Variants in MYH15 observed in about 807,000 individuals in gnomAD.
The protein encoded by MYH15 is myosin-15.
In MYH15, 227 loss-of-function variants were observed where a neutral mutation model predicts 240.5. That is an observed-to-expected ratio of 0.94 (90% CI 0.85 to 1.05). The LOEUF is 1.05. MYH15 is among the 50% of genes least tolerant of loss of function. The pLI, the probability that MYH15 is intolerant of heterozygous loss-of-function variation, is 0.00. For missense variants in MYH15, 2,217 were observed against 2,247.5 expected, an observed-to-expected ratio of 0.99 and a Z score of 0.27; for synonymous variants, 785 against 796.7, an observed-to-expected ratio of 0.99 and a Z score of 0.25.
At position 108,460,335 on chromosome 3, in the gene MYH15, C is replaced by G. The variant is rs757055798; in HGVS notation, c.1897G>C (p.Gly633Arg). 6.2e-7 allele frequency: 1 copy of G among 1,602,270 alleles called. No individual in the cohort carries two copies. ...IPFGEKKRKK[G>R]ASFQTVASLH... ...GATGCAACCGTTTGGAATGAAGCTCCTTTCTTTCGTTTCTTCTCCCCAAAT... is the reference window on the plus strand; with the variant it reads ...GATGCAACCGTTTGGAATGAAGCTCGTTTCTTTCGTTTCTTCTCCCCAAAT... The change falls in exon 17 of 41, where the codon GGA (glycine) becomes CGA (arginine). Residue 633 changes from glycine (G) to arginine (R), a missense_variant. Transcript: ENST00000693548.
chr3:108,417,827 A>G (rs1560340026), intron 28 of MYH15, among the ~76,000 whole-genome samples: 1 of 151,094 alleles, frequency 6.6e-6, no homozygotes, highest in Non-Finnish European at 1.5e-5. Flanking sequence ...ACACACACAC[A>G]TATACACACT....
Position 108,383,751 on chromosome 3 carries a change from A to AG in MYH15, c.5632-23_5632-22insC, listed in dbSNP as rs775248561. The AG allele has an allele frequency of 3.3e-6, 5 of 1,534,668 alleles. No individual in the cohort carries two copies. The South Asian group carries it at 6.3e-5, about 19-fold the overall frequency. On this transcript the variant is annotated intron_variant, in intron 39 of 40. Transcript: ENST00000693548. Reference sequence around the variant, plus strand: ...TTTCCTATAAAAATAAAAAAAAAAAAAAAGAAATCTCCATGCCTATATAGT... The same window carrying AG: ...TTTCCTATAAAAATAAAAAAAAAAAAGAAAGAAATCTCCATGCCTATATAGT...
At position 108,441,179 on chromosome 3, in the gene MYH15, C is replaced by T; in HGVS notation, c.2737G>A (p.Glu913Lys). ...SKIQLEARVK[E>K]LSERVEEEEE... is the part of the protein sequence containing the mutation. ...TCTTCCTCCACCCTCTCCGACAGCT[C>T]CTTTACTCTGGCCTCCAGCTGGATC... Residue 913 changes from glutamate (E) to lysine (K), a missense_variant, in exon 23 of 41, where the codon GAG becomes AAG. Physicochemically the swap from Glu to Lys is moderately conservative, Grantham distance 56. Coordinates refer to ENST00000693548, the MANE Select transcript of MYH15 (RefSeq NM_014981.3). The T allele has an allele frequency of 1.2e-6, 2 of 1,614,112 alleles. No homozygotes were observed. Among genetic ancestry groups the T allele is most frequent in the Non-Finnish European group, 1.7e-6 (2 of 1,179,980 alleles).
At chr3:108,389,805 G>C (rs2082410792) in intron 37 of MYH15, among the ~76,000 whole-genome samples, 1 of 152,132 alleles carries the variant, frequency 6.6e-6, no homozygotes, top group Admixed American at 6.5e-5. Context: ...CTGCCTAGGG[G>C]GCTCTTACCC....
At chr3:108,461,980 C>T (rs1285865923) in intron 16 of MYH15, 1 of 152,138 alleles carries the variant, frequency 6.6e-6, no homozygotes, top group Non-Finnish European at 1.5e-5. Flanking sequence ...TGTACTGTTG[C>T]CATGGGGAAA....
chr3:108,550,401 A>G, the MYH15 span: 7 of 151,698 alleles, frequency 4.6e-5, no homozygotes, highest in African/African-American at 1.7e-4. Context: ...AATTAATTAT[A>G]GATGATCTGG....
intron 1 of MYH15, among the ~76,000 whole-genome samples, chr3:108,520,449 C>A (rs937184475): frequency 3.3e-5 from 5 of 152,132 alleles, no homozygotes; most frequent in Admixed American, 6.6e-5. Flanking sequence ...ACTTTATACA[C>A]TCTTGTCAAG....
Position 108,398,515 on chromosome 3 carries a change from G to A in MYH15, c.5133+122C>T, listed in dbSNP as rs2082479448. On this transcript the variant is annotated intron_variant, in intron 35 of 40. Transcript: ENST00000693548. Reference sequence around the variant, plus strand: ...CAAATGAAGAGTATGAACATGCCTTGCTTCACAGGCACATCCAAGACTTAA... The same window carrying A: ...CAAATGAAGAGTATGAACATGCCTTACTTCACAGGCACATCCAAGACTTAA... 8 of 850,910 alleles carry A rather than the reference G, an allele frequency of 9.4e-6. No homozygotes were observed. In the South Asian group the frequency reaches 1.2e-4, roughly 13 times the overall value. The allele number at this position is 850,910 out of a possible 1,614,324, so 52.7% of individuals were successfully genotyped here.
At chr3:108,451,448 A>T (rs1430940432) in intron 21 of MYH15, among the ~76,000 whole-genome samples, 4 of 152,086 alleles carry the variant, frequency 2.6e-5, no homozygotes, top group East Asian at 1.9e-4. Context: ...GAAATGTAAA[A>T]TTTTTTTAAT....
chr3:108,527,162 T>C (rs2083679149), intron 1 of MYH15, among the ~76,000 whole-genome samples: 1 of 152,170 alleles, frequency 6.6e-6, no homozygotes, highest in East Asian at 1.9e-4. Flanking sequence ...AAGCTCCCTG[T>C]TGATGCTACT....
chr3:108,466,473 C>T (rs2083118833), intron 14 of MYH15, among the ~76,000 whole-genome samples: 1 of 152,082 alleles, frequency 6.6e-6, no homozygotes, highest in African/African-American at 2.4e-5. Context: ...AATTAAGGCC[C>T]AACATTATGT....
intron 1 of MYH15, among the ~76,000 whole-genome samples, chr3:108,517,525 GT>G (rs2083583467): frequency 6.6e-6 from 1 of 151,984 alleles, no homozygotes; most frequent in South Asian, 2.1e-4. Context: ...TAGGAATGGG[GT>G]TTCACCATGT....
At chr3:108,472,481 G>C (rs185584761) in intron 12 of MYH15, among the ~76,000 whole-genome samples, 2 of 152,248 alleles carry the variant, frequency 1.3e-5, no homozygotes, top group Admixed American at 1.3e-4. Context: ...TCCATAAGCC[G>C]GATGGCATCA....
intron 26 of MYH15, among the ~76,000 whole-genome samples, chr3:108,430,094 A>C (rs906596750): frequency 6.6e-6 from 1 of 152,170 alleles, no homozygotes; most frequent in Non-Finnish European, 1.5e-5. Context: ...CCACTTGGAG[A>C]TTAATAGTGT....
intron 21 of MYH15, among the ~76,000 whole-genome samples, chr3:108,446,936 C>A (rs974547729): frequency 6.6e-6 from 1 of 151,796 alleles, no homozygotes. Flanking sequence ...AAACAATGAT[C>A]TTAAAAAAAA....
chr3:108,500,200 G>A lies in MYH15; in HGVS notation c.414C>T (p.Ala138=), dbSNP rs752380695. The change falls in exon 4 of 41, where the codon GCC becomes GCT. Residue 138 remains alanine (A), a synonymous_variant. Coordinates refer to ENST00000693548, the MANE Select transcript of MYH15 (RefSeq NM_014981.3). ...WLPVYQKEVM[A]AYKGKRRSEA... is the part of the protein sequence containing the mutation. ...CTGATCGCCTCTTCCCTTTGTAGGC[G>A]GCCATGACTTCTTTCTGATACACGG... The A allele has an allele frequency of 1.5e-5, 24 of 1,614,044 alleles. No individual in the cohort carries two copies. The highest frequency in any genetic ancestry group is 8.9e-5 in the East Asian group (4 of 44,880).
chr3:108,453,892 C>T, intron 21 of MYH15, 114 bp downstream of exon 21: 2 of 1,068,620 alleles, frequency 1.9e-6, no homozygotes, highest in Non-Finnish European at 1.3e-6. Context: ...TGTTTAAGAC[C>T]CAGCCTAAGC....
rs528646816 is a variant in MYH15, at chr3:108,501,767, T to A, written c.284A>T (p.Asn95Ile). The change falls in exon 3 of 41, where the codon AAT (asparagine) becomes ATT (isoleucine). Residue 95 changes from asparagine to isoleucine, a missense_variant. Physicochemically the swap from Asn to Ile is moderately radical, Grantham distance 149. Transcript: ENST00000693548. Reference protein sequence around the residue: ...IEDMAMLTHLNEASVLHTLKR... With the variant: ...IEDMAMLTHLIEASVLHTLKR... The stretch of plus-strand genomic sequence containing the variant: ...CAGGGTATGCAGCACGGATGCCTCA[T>A]TGAGGTGAGTCAGCATTGCCATGTC... 2.5e-6 allele frequency: 4 copies of A among 1,614,086 alleles called. No individual in the cohort carries two copies. Among genetic ancestry groups the A allele is most frequent in the Non-Finnish European group, 3.4e-6 (4 of 1,179,968 alleles).
rs772846107 is a variant in MYH15 at position 108,505,723 on chromosome 3, C to T, written c.195G>A (p.Glu65=). 7.5e-5 allele frequency: 119 copies of T among 1,594,788 alleles called. No individual in the cohort carries two copies. Among genetic ancestry groups the T allele is most frequent in the Non-Finnish European group, 9.7e-5 (113 of 1,167,776 alleles). The change falls in exon 2 of 41, where the codon GAG becomes GAA. Residue 65 remains glutamate, a splice_region_variant and synonymous_variant. Coordinates refer to ENST00000693548, the MANE Select transcript of MYH15 (RefSeq NM_014981.3). ...TGCAATGAAATAAAAATTTCTTTAC[C>T]TCTCCATCTGCTGTCTCAACAATTA... The part of the protein sequence containing the change: ...GTVIVETADG[E]SLSIKEDKIQ...
Sources: gnomAD v4.1 joint callset for allele counts (sites outside exome capture counted in the v4.1 genomes callset) on GRCh38, gnomAD v4.1.1 for gene constraint, MANE v1.5 for transcripts, NCBI Gene and HGNC (gene_info 2026-07-23, HGNC 2026-07-21) for gene names.